SRBD1: variants seen among roughly 807,000 people sequenced by gnomAD.
SRBD1 encodes the protein S1 RNA-binding domain-containing protein 1.
In SRBD1, 88 loss-of-function variants were observed where a neutral mutation model predicts 115.3. The observed-to-expected ratio is 0.76, with a 90% CI of 0.64 to 0.91. The LOEUF (loss-of-function observed/expected upper bound fraction) is 0.91. SRBD1 is among the 40% of genes least tolerant of loss of function. The pLI, the probability that SRBD1 is intolerant of heterozygous loss-of-function variation, is 0.00. For synonymous variants in SRBD1, 509 were observed against 407.7 expected, an observed-to-expected ratio of 1.25 and a Z score of -2.99; for missense variants, 1,385 against 1,177.4, an observed-to-expected ratio of 1.18 and a Z score of -2.58.
At chr2:45,404,162 C>CA (rs1490178510) in intron 19 of SRBD1, among the ~76,000 whole-genome samples, 3 of 152,030 alleles carry the variant, frequency 2.0e-5, no homozygotes, top group Non-Finnish European at 4.4e-5. Flanking sequence ...AAGATGATTT[C>CA]AAGGCTCTGA....
chr2:45,580,976 C>A (rs1388312482), intron 6 of SRBD1, among the ~76,000 whole-genome samples: 1 of 152,034 alleles, frequency 6.6e-6, no homozygotes, highest in Non-Finnish European at 1.5e-5. Context: ...AGCCACCGCG[C>A]CCAGCCAATT....
chr2:45,465,500 G>A (rs187634938), intron 16 of SRBD1, among the ~76,000 whole-genome samples: 36 of 152,106 alleles, frequency 2.4e-4, no homozygotes, highest in African/African-American at 8.0e-4. Flanking sequence ...AAAACACCAT[G>A]GTCCCTGTCT....
At chr2:45,602,954 A>T (rs1674146181) in intron 2 of SRBD1, among the ~76,000 whole-genome samples, 1 of 152,234 alleles carries the variant, frequency 6.6e-6, no homozygotes, top group Non-Finnish European at 1.5e-5. Context: ...TGTTCTCTTC[A>T]GAGGTACCAC....
intron 5 of SRBD1, among the ~76,000 whole-genome samples, chr2:45,583,382 T>C (rs1673424672): frequency 6.6e-6 from 1 of 152,198 alleles, no homozygotes; most frequent in Non-Finnish European, 1.5e-5. Flanking sequence ...AAAAAGCCAA[T>C]TCCTTTTGTC....
intron 16 of SRBD1, chr2:45,447,174 G>A: frequency 6.6e-6 from 1 of 152,258 alleles, no homozygotes; most frequent in African/African-American, 2.4e-5. Flanking sequence ...GTTGAGGTCG[G>A]GCGCAGTGGC....
intron 1 of SRBD1, among the ~76,000 whole-genome samples, chr2:45,610,288 T>A (rs897823270): frequency 3.3e-5 from 5 of 151,974 alleles, no homozygotes; most frequent in African/African-American, 7.3e-5. Flanking sequence ...GAAAAAAAAA[T>A]TTAAATTCAA....
intron 10 of SRBD1, among the ~76,000 whole-genome samples, chr2:45,557,589 G>A (rs1262101141): frequency 6.6e-6 from 1 of 152,028 alleles, no homozygotes; most frequent in Non-Finnish European, 1.5e-5. Context: ...ACCCAGCCCT[G>A]AAAGAGAACA....
chr2:45,557,382 G>C (rs1308047861), intron 10 of SRBD1, among the ~76,000 whole-genome samples: 1 of 152,202 alleles, frequency 6.6e-6, no homozygotes, highest in Non-Finnish European at 1.5e-5. Flanking sequence ...TTAAGCCACT[G>C]CTTGCAGGAA....
chr2:45,596,807 G>C (rs968529822), intron 4 of SRBD1, among the ~76,000 whole-genome samples: 24 of 152,208 alleles, frequency 1.6e-4, no homozygotes, highest in South Asian at 6.2e-4. Flanking sequence ...CTAAGTATTT[G>C]TCAACAGTGG....
rs1289864192 is a variant in SRBD1, at chr2:45,602,682, T to A, written c.81-599A>T. 7.2e-5 allele frequency among the ~76,000 whole-genome samples: 11 copies of A among 152,264 alleles called. No individual in the cohort carries two copies. In the South Asian group the frequency reaches 8.3e-4, roughly 11 times the overall value. ...ATAGTACTTTTCTAACAACGAAGAATCAAACTCACAGCAAGAGCAGAGAAA... is the reference window on the plus strand; with the variant it reads ...ATAGTACTTTTCTAACAACGAAGAAACAAACTCACAGCAAGAGCAGAGAAA... On this transcript the variant is annotated intron_variant, in intron 2 of 20. Transcript: ENST00000263736.
At chr2:45,410,506 A>C (rs1003078626) in intron 19 of SRBD1, among the ~76,000 whole-genome samples, 1 of 152,252 alleles carries the variant, frequency 6.6e-6, no homozygotes, top group African/African-American at 2.4e-5. Context: ...TGGGAAGTAC[A>C]TATCTGGCTT....
chr2:45,526,897 C>T (rs551277376), intron 14 of SRBD1, among the ~76,000 whole-genome samples: 4 of 151,734 alleles, frequency 2.6e-5, no homozygotes, highest in East Asian at 3.9e-4. Flanking sequence ...TGAATAGCTA[C>T]GGAGGGGAAG....
At chr2:45,608,505 C>A (rs1674343104) in intron 1 of SRBD1, among the ~76,000 whole-genome samples, 1 of 152,176 alleles carries the variant, frequency 6.6e-6, no homozygotes, top group Non-Finnish European at 1.5e-5. Context: ...TCCACTACTC[C>A]CATATCCTCT....
intron 16 of SRBD1, among the ~76,000 whole-genome samples, chr2:45,430,159 A>T (rs1379475389): frequency 1.3e-5 from 2 of 152,220 alleles, no homozygotes; most frequent in African/African-American, 4.8e-5. Context: ...AACAGAAAAA[A>T]ACATTCCATG....
Position 45,476,965 on chromosome 2 carries a change from A to G in SRBD1, c.2049+28T>C, listed in dbSNP as rs1669822245. On this transcript the variant is annotated intron_variant, in intron 16 of 20. Coordinates refer to ENST00000263736, the MANE Select transcript of SRBD1 (RefSeq NM_018079.5). ...ACTGCTCCTTGTATTGATGGATTTC[A>G]TAAATTAAATGATCCACATAGCTTT... The G allele has an allele frequency of 1.9e-6, 3 of 1,605,036 alleles. No individual in the cohort carries two copies. The African/African-American group carries it at 4.0e-5, about 21-fold the overall frequency.
At chr2:45,509,724 G>C (rs1670910202) in intron 14 of SRBD1, among the ~76,000 whole-genome samples, 1 of 151,604 alleles carries the variant, frequency 6.6e-6, no homozygotes, top group Non-Finnish European at 1.5e-5. Context: ...TTTGTCTCCA[G>C]ATATTTTTCT....
At position 45,412,342 on chromosome 2, in the gene SRBD1, T is replaced by C. The variant is rs189774245; in HGVS notation, c.2513+772A>G. 1.4e-3 allele frequency among the ~76,000 whole-genome samples: 217 copies of C among 152,238 alleles called. 1 individual carries two copies. Among genetic ancestry groups the C allele is most frequent in the African/African-American group, 5.1e-3 (210 of 41,574 alleles). On this transcript the variant is annotated intron_variant, in intron 19 of 20. Transcript: ENST00000263736. ...TCACAGAATATTATTTTTTACTTCT[T>C]TTTTCTAAGTTTTCTATAATATACT...
At chr2:45,571,505 T>C (rs1487130180) in intron 9 of SRBD1, among the ~76,000 whole-genome samples, 1 of 57,384 alleles carries the variant, frequency 1.7e-5, no homozygotes, top group Admixed American at 2.6e-4. Context: ...ATACAACATA[T>C]CCAGACTTTA....
chr2:45,571,001 T>A (rs1214874517), intron 9 of SRBD1, among the ~76,000 whole-genome samples: 1 of 151,770 alleles, frequency 6.6e-6, no homozygotes, highest in East Asian at 1.9e-4. Context: ...TGTGAAAAAA[T>A]AAACTTGGAA....
Sources: allele counts gnomAD v4.1 joint callset (sites outside exome capture counted in the v4.1 genomes callset), GRCh38; gene constraint gnomAD v4.1.1; transcripts MANE v1.5; gene names NCBI Gene and HGNC (gene_info 2026-07-23, HGNC 2026-07-21).